The following CELF5 variants were observed in gnomAD, a reference collection of about 807,000 sequenced individuals.
CELF5 encodes CUG-BP and ETR-3 like factor 5.
Under a neutral mutation model 54.9 loss-of-function variants are expected in CELF5, and 6 were observed. The ratio of observed to expected loss-of-function variants is 0.11; its 90% confidence interval spans 0.06 to 0.22. CELF5 has a LOEUF of 0.22. Among genes scored for constraint, CELF5 ranks in the 10% least tolerant of loss-of-function variants. The pLI is 1.00. For missense variants in CELF5, 401 were observed against 678.6 expected (o/e 0.59, Z 4.54); for synonymous variants, 271 against 290.9 (o/e 0.93, Z 0.70).
intron 2 of CELF5, 62 bp from the exon 3 acceptor site, chr19:3,273,810 A>ACCCCCCCCCCCCCCCC: frequency 1.7e-6 from 2 of 1,190,150 alleles, no homozygotes; most frequent in Non-Finnish European, 2.5e-6. Flanking sequence ...CTCAGGCAAA[A>ACCCCCCCCCCCCCCCC]CCCCCCGCCT....
chr19:3,295,467 C>T (rs2080422008), intron 12 of CELF5: 6 of 152,238 alleles, frequency 3.9e-5, no homozygotes, highest in Admixed American at 3.9e-4. Flanking sequence ...TGACCCTGGG[C>T]CGGTCACTCA....
intron 12 of CELF5, chr19:3,294,846 T>C (rs1187064149): frequency 6.6e-6 from 1 of 152,182 alleles, no homozygotes; most frequent in Non-Finnish European, 1.5e-5. Context: ...ATGGGCTTGG[T>C]GATGGTGACA....
intron 2 of CELF5, among the ~76,000 whole-genome samples, chr19:3,253,198 G>A (rs2079675020): frequency 6.6e-6 from 1 of 151,964 alleles, no homozygotes; most frequent in Non-Finnish European, 1.5e-5. Context: ...TAGTGCCCAG[G>A]GGCACAGCAG....
intron 1 of CELF5, among the ~76,000 whole-genome samples, chr19:3,242,967 T>C (rs1314957916): frequency 1.3e-5 from 1 of 75,644 alleles, no homozygotes; most frequent in Non-Finnish European, 2.6e-5. Context: ...CCATCTCAAA[T>C]AATAATAATA....
intron 1 of CELF5, among the ~76,000 whole-genome samples, chr19:3,247,314 G>A (rs1184918598): frequency 1.3e-5 from 2 of 152,094 alleles, no homozygotes; most frequent in Admixed American, 6.5e-5. Flanking sequence ...TTTTAGTAGA[G>A]ATAGGGTTTC....
chr19:3,243,290 G>T (rs1275829797), intron 1 of CELF5, among the ~76,000 whole-genome samples: 1 of 151,450 alleles, frequency 6.6e-6, no homozygotes, highest in East Asian at 1.9e-4. Context: ...TTTGAGACAA[G>T]GTTTTGCTAT....
At chr19:3,241,230 C>T (rs1217417233) in intron 1 of CELF5, among the ~76,000 whole-genome samples, 5 of 151,554 alleles carry the variant, frequency 3.3e-5, no homozygotes, top group East Asian at 1.9e-4. Flanking sequence ...CACAAGCCAC[C>T]GCGCCCAGCT....
chr19:3,244,282 G>A (rs1171856539), intron 1 of CELF5, among the ~76,000 whole-genome samples: 1 of 152,056 alleles, frequency 6.6e-6, no homozygotes, highest in Admixed American at 6.6e-5. Context: ...GAGTGTGTGT[G>A]TGTATGGTAT....
intron 3 of CELF5, 92 bp downstream of exon 3, chr19:3,274,015 G>A: frequency 1.5e-6 from 2 of 1,338,146 alleles, no homozygotes; most frequent in Admixed American, 1.7e-5. Flanking sequence ...TGCAAAAGGG[G>A]CAGTGGCCGA....
At chr19:3,230,407 G>T (rs978789909) in intron 1 of CELF5, among the ~76,000 whole-genome samples, 1 of 152,220 alleles carries the variant, frequency 6.6e-6, no homozygotes, top group African/African-American at 2.4e-5. Context: ...ATGAAACACA[G>T]CAGTGAACAA....
chr19:3,251,186 A>C (rs2079642314), intron 2 of CELF5, 119 bp downstream of exon 2: 1 of 713,052 alleles, frequency 1.4e-6, no homozygotes, highest in Non-Finnish European at 2.4e-6. Context: ...ACTCAGAAAG[A>C]GGTATGAGGA....
chr19:3,256,592 G>A (rs778584717), intron 2 of CELF5, among the ~76,000 whole-genome samples: 21 of 150,066 alleles, frequency 1.4e-4, no homozygotes, highest in East Asian at 9.7e-4. Context: ...TTTTTGAGAC[G>A]GAGCCTAACT....
At position 3,224,777 on chromosome 19, in the gene CELF5, A is replaced by AGCAGCAGCTCCTGCAGCC; in HGVS notation, c.41_58dup (p.Gln14_Pro19dup). The AGCAGCAGCTCCTGCAGCC allele has an allele frequency of 6.8e-7, 1 of 1,467,532 alleles. No individual in the cohort carries two copies. Among genetic ancestry groups the AGCAGCAGCTCCTGCAGCC allele is most frequent in the Non-Finnish European group, 9.0e-7 (1 of 1,109,984 alleles). The allele number at this position is 1,467,532 out of a possible 1,614,324, so 90.9% of individuals were successfully genotyped here. On this transcript the variant is annotated inframe_insertion, in exon 1 of 13. Transcript: ENST00000292672. The stretch of plus-strand genomic sequence containing the variant: ...ACGGAGAGCGAGGCGCGCCGGCAGC[A>AGCAGCAGCTCCTGCAGCC]GCAGCAGCTCCTGCAGCCGCGGCCC...
At chr19:3,292,994 G>T (rs2080376512) in intron 11 of CELF5, among the ~76,000 whole-genome samples, 1 of 152,192 alleles carries the variant, frequency 6.6e-6, no homozygotes, top group African/African-American at 2.4e-5. Flanking sequence ...AAGGAGGCAG[G>T]CATCCTCCTG....
At position 3,228,640 on chromosome 19, in the gene CELF5, G is replaced by A. The variant is rs1398615195; in HGVS notation, c.259+3642G>A. ...TGGGGGGGGGGCCCGGCGGGGGCCC[G>A]GGTGGGGGCCCGCGGTTTCCATGGG... On this transcript the variant is annotated intron_variant, in intron 1 of 12. Coordinates refer to ENST00000292672, the MANE Select transcript of CELF5 (RefSeq NM_021938.4). The surrounding 1 kb of genome is among the most constrained non-coding windows in gnomAD (Gnocchi z 6.0). Among the ~76,000 whole-genome samples, 4 of 150,286 alleles carry A rather than the reference G, an allele frequency of 2.7e-5. No homozygotes were observed. Among genetic ancestry groups the A allele is most frequent in the Non-Finnish European group, 5.9e-5 (4 of 67,248 alleles).
rs71164666 is a variant in CELF5, at chr19:3,226,440, T to TCACACACACACACACACACACACACA, written c.259+1453_259+1478dup. 1.5e-4 allele frequency among the ~76,000 whole-genome samples: 18 copies of TCACACACACACACACACACACACACA among 118,874 alleles called. 1 individual carries two copies. Among genetic ancestry groups the TCACACACACACACACACACACACACA allele is most frequent in the Admixed American group, 4.2e-4 (5 of 12,000 alleles). 78.0% of individuals were successfully genotyped at this position (118,874 alleles called of 152,430 possible). A position where few individuals can be genotyped will look rare whatever the true frequency, so the allele number is the denominator to read the frequency against. ...CCCCATCTCTTTTCAAAACCAACCA[T>TCACACACACACACACACACACACACA]CACACACACACACACACACACACAC... On this transcript the variant is annotated intron_variant, in intron 1 of 12. Transcript: ENST00000292672.
Position 3,224,834 on chromosome 19 carries a change from C to G in CELF5, c.95C>G (p.Pro32Arg). 6.3e-7 allele frequency: 1 copy of G among 1,588,556 alleles called. No homozygotes were observed. Among genetic ancestry groups the G allele is most frequent in the Non-Finnish European group, 8.6e-7 (1 of 1,168,912 alleles). The part of the protein sequence containing the change: ...SPVGSSGPEP[P>R]GGQPDGMKDL... ...GTGGGCAGCAGCGGGCCCGAGCCCC[C>G]CGGGGGGCAGCCCGACGGCATGAAG... is the stretch of plus-strand genomic sequence containing the variant. The change falls in exon 1 of 13, where the codon CCC becomes CGC. Residue 32 changes from proline (P) to arginine (R), a missense_variant. Coordinates refer to ENST00000292672, the MANE Select transcript of CELF5 (RefSeq NM_021938.4).
chr19:3,234,558 G>A (rs1178999737), intron 1 of CELF5, among the ~76,000 whole-genome samples: 1 of 152,122 alleles, frequency 6.6e-6, no homozygotes, highest in Non-Finnish European at 1.5e-5. Flanking sequence ...GGTGACAGAT[G>A]ATCCGGCCCC....
At chr19:3,265,639 C>G (rs1214733845) in intron 2 of CELF5, among the ~76,000 whole-genome samples, 5 of 152,074 alleles carry the variant, frequency 3.3e-5, no homozygotes, top group Non-Finnish European at 7.4e-5. Flanking sequence ...AGTGGAGGAC[C>G]CTTCAGCTCC....
Sources: allele counts gnomAD v4.1 joint callset (sites outside exome capture counted in the v4.1 genomes callset), GRCh38; gene constraint gnomAD v4.1.1; non-coding constraint Gnocchi (gnomAD v3.1); transcripts MANE v1.5; gene names NCBI Gene and HGNC (gene_info 2026-07-23, HGNC 2026-07-21).